Variants in ANKS1B observed in about 807,000 individuals in gnomAD.
ANKS1B encodes ankyrin repeat and sterile alpha motif domain-containing protein 1B.
ANKS1B carries 36 observed loss-of-function variants against 148.3 expected under a neutral mutation model. That is an observed-to-expected ratio of 0.24 (90% CI 0.19 to 0.32). The LOEUF is 0.32. Ranked by LOEUF, ANKS1B falls within the 10% of genes least tolerant of loss-of-function variation. ANKS1B has a pLI of 1.00. For synonymous variants in ANKS1B, 542 were observed against 560.8 expected (o/e 0.97, Z 0.47); for missense variants, 1,157 against 1,542.6 (o/e 0.75, Z 4.19).
intron 8 of ANKS1B, among the ~76,000 whole-genome samples, chr12:99,666,345 T>C (rs2098506673): frequency 6.6e-6 from 1 of 152,360 alleles, no homozygotes; most frequent in East Asian, 1.9e-4. Context: ...GCTTGGATTC[T>C]GCTTGGGATT....
chr12:99,814,967 T>C (rs1489205940), intron 2 of ANKS1B, among the ~76,000 whole-genome samples: 1 of 151,760 alleles, frequency 6.6e-6, no homozygotes, highest in South Asian at 2.1e-4. Flanking sequence ...TTTAGCCTAC[T>C]ACAAAATAGA....
intron 8 of ANKS1B, among the ~76,000 whole-genome samples, chr12:99,702,990 A>AT (rs1410676856): frequency 2.0e-5 from 3 of 152,150 alleles, no homozygotes; most frequent in African/African-American, 7.2e-5. Flanking sequence ...TTCTGCATAC[A>AT]GATATCCAGT....
intron 12 of ANKS1B, among the ~76,000 whole-genome samples, chr12:99,269,159 C>A (rs1169265317): frequency 6.6e-6 from 1 of 152,128 alleles, no homozygotes; most frequent in Non-Finnish European, 1.5e-5. Context: ...ACAGATGATA[C>A]CTTTGCAATT....
chr12:99,809,571 G>A (rs970357709), intron 3 of ANKS1B, among the ~76,000 whole-genome samples: 1 of 151,966 alleles, frequency 6.6e-6, no homozygotes, highest in Non-Finnish European at 1.5e-5. Context: ...TGGTGAACAA[G>A]ACCTAGGTTG....
intron 15 of ANKS1B, among the ~76,000 whole-genome samples, chr12:99,113,084 A>G (rs1329213531): frequency 6.6e-6 from 1 of 152,236 alleles, no homozygotes; most frequent in South Asian, 2.1e-4. Context: ...TATCTTGAGA[A>G]TATGTTTCAA....
intron 14 of ANKS1B, among the ~76,000 whole-genome samples, chr12:99,165,070 T>G (rs1194698784): frequency 6.6e-6 from 1 of 151,978 alleles, no homozygotes; most frequent in Non-Finnish European, 1.5e-5. Context: ...ATTTGTGAGA[T>G]GCAGGTAAAA....
At chr12:98,995,662 T>G (rs912605609) in intron 17 of ANKS1B, among the ~76,000 whole-genome samples, 1 of 152,188 alleles carries the variant, frequency 6.6e-6, no homozygotes, top group Non-Finnish European at 1.5e-5. Context: ...CTAAAAAATG[T>G]ATCTAAATAT....
At chr12:99,560,804 A>G (rs1258442609) in intron 9 of ANKS1B, among the ~76,000 whole-genome samples, 1 of 149,978 alleles carries the variant, frequency 6.7e-6, no homozygotes, top group Non-Finnish European at 1.5e-5. Context: ...GTGGTTGCTG[A>G]AGATTGGGGT....
rs1217199121 is a variant in ANKS1B, at chr12:99,805,304, T to C, written c.669+1100A>G. 2.7e-5 allele frequency among the ~76,000 whole-genome samples: 3 copies of C among 110,108 alleles called. No homozygotes were observed. The East Asian group carries it at 8.9e-4, about 33-fold the overall frequency. 72.2% of individuals were successfully genotyped at this position (110,108 alleles called of 152,430 possible). On this transcript the variant is annotated intron_variant, in intron 4 of 26. Coordinates refer to ENST00000683438, the MANE Select transcript of ANKS1B (RefSeq NM_001352186.2). ...AAAAAAAAAAGACTAACCCTGGAGT[T>C]GGGGCTAACTTAAGACAAGATATCA...
intron 9 of ANKS1B, among the ~76,000 whole-genome samples, chr12:99,541,880 A>G: frequency 6.6e-6 from 1 of 152,034 alleles, no homozygotes; most frequent in Non-Finnish European, 1.5e-5. Context: ...ACATGCTTCC[A>G]TGATAAAAGC....
rs556713607 is a variant in ANKS1B at position 99,258,062 on chromosome 12, A to G, written c.1757-11198T>C. On this transcript the variant is annotated intron_variant, in intron 12 of 26. Transcript: ENST00000683438. ...GACTGACATAATACTTTGAAGCATA[A>G]TATTTTTATTTAAAAATGTACATTT... 2.6e-5 allele frequency among the ~76,000 whole-genome samples: 4 copies of G among 152,338 alleles called. No individual in the cohort carries two copies. The East Asian group carries it at 5.8e-4, about 22-fold the overall frequency.
At position 99,883,116 on chromosome 12, in the gene ANKS1B, T is replaced by C. The variant is rs1398933051; in HGVS notation, c.135-57727A>G. ...ATGGTAAATTTCTGGGTAAATATAATAGACTATTCTTTCACCCTGAGTCAT... is the reference window on the plus strand; with the variant it reads ...ATGGTAAATTTCTGGGTAAATATAACAGACTATTCTTTCACCCTGAGTCAT... On this transcript the variant is annotated intron_variant, in intron 1 of 26. Transcript: ENST00000683438. Among the ~76,000 whole-genome samples, 5 of 152,296 alleles carry C rather than the reference T, an allele frequency of 3.3e-5. No homozygotes were observed. The East Asian group carries it at 9.7e-4, about 29-fold the overall frequency.
chr12:99,636,227 T>C (rs1343660639), intron 9 of ANKS1B, among the ~76,000 whole-genome samples: 2 of 152,176 alleles, frequency 1.3e-5, no homozygotes, highest in Non-Finnish European at 2.9e-5. Flanking sequence ...AGTAATTTTA[T>C]TCAATAAAGC....
At chr12:99,483,212 T>C (rs2096440199) in intron 10 of ANKS1B, among the ~76,000 whole-genome samples, 1 of 151,776 alleles carries the variant, frequency 6.6e-6, no homozygotes, top group African/African-American at 2.4e-5. Flanking sequence ...ATCACAAAAG[T>C]ATGCTGGATT....
intron 14 of ANKS1B, among the ~76,000 whole-genome samples, chr12:99,182,156 GGCAGGGC>G (rs1309685269): frequency 6.6e-6 from 1 of 152,098 alleles, no homozygotes; most frequent in African/African-American, 2.4e-5. Flanking sequence ...TTTATATGGT[GGCAGGGC>G]GTAGGGACTG....
chr12:99,739,001 T>C (rs2059852733), intron 8 of ANKS1B, among the ~76,000 whole-genome samples: 1 of 152,082 alleles, frequency 6.6e-6, no homozygotes, highest in African/African-American at 2.4e-5. Context: ...AGTCCTCTAG[T>C]GGAAGGCCAT....
At chr12:98,936,840 C>A (rs1051532112) in intron 17 of ANKS1B, among the ~76,000 whole-genome samples, 9 of 152,124 alleles carry the variant, frequency 5.9e-5, no homozygotes, top group African/African-American at 9.7e-5. Flanking sequence ...AAAATTTTAT[C>A]TTGTCTAAGT....
chr12:99,187,052 A>T (rs947094072), intron 14 of ANKS1B, among the ~76,000 whole-genome samples: 1 of 151,954 alleles, frequency 6.6e-6, no homozygotes, highest in African/African-American at 2.4e-5. Flanking sequence ...CACAAGTATC[A>T]ATAGCCAAAT....
At chr12:99,294,513 G>A (rs1338438892) in intron 12 of ANKS1B, among the ~76,000 whole-genome samples, 1 of 152,138 alleles carries the variant, frequency 6.6e-6, no homozygotes, top group African/African-American at 2.4e-5. Flanking sequence ...TAGAATGATG[G>A]TTACCAGAGG....
Sources: gnomAD v4.1 joint callset for allele counts (sites outside exome capture counted in the v4.1 genomes callset) on GRCh38, gnomAD v4.1.1 for gene constraint, MANE v1.5 for transcripts, NCBI Gene and HGNC (gene_info 2026-07-23, HGNC 2026-07-21) for gene names.